PRR16: variants seen among roughly 807,000 people sequenced by gnomAD.
PRR16 encodes the protein proline rich 16.
In PRR16, 6 loss-of-function variants were observed where a neutral mutation model predicts 18.2. The ratio of observed to expected loss-of-function variants is 0.33; its 90% CI spans 0.18 to 0.65. PRR16 has a LOEUF of 0.65. Ranked by LOEUF, PRR16 falls within the 30% of genes least tolerant of loss-of-function variation. PRR16 has a pLI of 0.74. For synonymous variants in PRR16, 151 were observed against 147.8 expected, an observed-to-expected ratio of 1.02 and a Z score of -0.16; for missense variants, 412 against 376.6, an observed-to-expected ratio of 1.09 and a Z score of -0.78.
intron 1 of PRR16, among the ~76,000 whole-genome samples, chr5:120,610,213 C>T (rs1054105120): frequency 2.6e-5 from 4 of 151,942 alleles, no homozygotes; most frequent in Non-Finnish European, 4.4e-5. Flanking sequence ...TTAAATACTG[C>T]CTGAAAATAT....
the PRR16 span, among the ~76,000 whole-genome samples, chr5:120,740,135 AG>A: frequency 6.6e-6 from 1 of 152,152 alleles, no homozygotes; most frequent in East Asian, 1.9e-4. Context: ...TGAATACTTA[AG>A]GGGCTTTGGT....
intron 1 of PRR16, chr5:120,618,709 C>A: frequency 3.8e-6 from 1 of 264,880 alleles, no homozygotes; most frequent in Non-Finnish European, 5.8e-6. Flanking sequence ...CTAAGAGAGA[C>A]CAATGGATAA....
chr5:120,673,623 AT>A (rs1461146150), intron 1 of PRR16, among the ~76,000 whole-genome samples: 1 of 152,136 alleles, frequency 6.6e-6, no homozygotes, highest in Non-Finnish European at 1.5e-5. Flanking sequence ...TGCTATGGCT[AT>A]AAAATAATTA....
chr5:120,700,409 A>G, the PRR16 span, among the ~76,000 whole-genome samples: 1 of 152,012 alleles, frequency 6.6e-6, no homozygotes, highest in Non-Finnish European at 1.5e-5. Context: ...CCAAGGAGGG[A>G]GTAGAGGTAT....
downstream of PRR16, among the ~76,000 whole-genome samples, chr5:120,691,254 C>A (rs923598884): frequency 1.9e-4 from 29 of 152,120 alleles, no homozygotes. Context: ...TAGCCCCGAA[C>A]TTCGTAAATC....
intron 1 of PRR16, among the ~76,000 whole-genome samples, chr5:120,503,418 C>A (rs1750531156): frequency 6.6e-6 from 1 of 152,022 alleles, no homozygotes; most frequent in South Asian, 2.1e-4. Context: ...GGTGTGAATG[C>A]CCTAATAGAA....
At chr5:120,707,006 G>A in the PRR16 span, among the ~76,000 whole-genome samples, 2 of 152,278 alleles carry the variant, frequency 1.3e-5, no homozygotes, top group East Asian at 3.9e-4. Context: ...TCAAAGGAAT[G>A]GTTCCCAGAT....
intron 1 of PRR16, among the ~76,000 whole-genome samples, chr5:120,510,783 G>C (rs7702580): frequency 0.28 from 42,896 of 151,984 alleles, 6,934 homozygotes; most frequent in African/African-American, 0.44. Context: ...GTGTTATATA[G>C]ATTTCTGATG....
intron 1 of PRR16, among the ~76,000 whole-genome samples, chr5:120,609,372 C>A (rs779645476): frequency 3.3e-5 from 5 of 152,034 alleles, no homozygotes; most frequent in Non-Finnish European, 7.4e-5. Context: ...ACTTCTCTCT[C>A]CCTAGAGCCC....
chr5:120,701,275 G>A, the PRR16 span, among the ~76,000 whole-genome samples: 62 of 152,146 alleles, frequency 4.1e-4, 2 homozygotes, highest in South Asian at 0.012. Flanking sequence ...ATTTAATGTC[G>A]GGAGCAGATT....
intron 1 of PRR16, among the ~76,000 whole-genome samples, chr5:120,536,669 T>C (rs1161127260): frequency 6.6e-6 from 1 of 152,208 alleles, no homozygotes; most frequent in Non-Finnish European, 1.5e-5. Flanking sequence ...CTGTCCTCAT[T>C]GGGCACTGAT....
At chr5:120,616,324 A>G (rs114694557) in intron 1 of PRR16, among the ~76,000 whole-genome samples, 1 of 152,168 alleles carries the variant, frequency 6.6e-6, no homozygotes, top group Non-Finnish European at 1.5e-5. Context: ...ACAATCTTGC[A>G]TTTCTGAATT....
chr5:120,464,372 C>G lies in PRR16; in HGVS notation c.-115C>G. On this transcript the variant is annotated 5_prime_UTR_variant, in exon 1 of 2. Transcript: ENST00000407149. ...CAGCCACTCGCCGCTGCCCAGGGAG[C>G]GCCCAAGATGTGGGGGGACCGGGGC... 8.4e-7 allele frequency: 1 copy of G among 1,194,346 alleles called. No individual in the cohort carries two copies. Among genetic ancestry groups the G allele is most frequent in the South Asian group, 1.8e-5 (1 of 55,456 alleles). The allele number at this position is 1,194,346 out of a possible 1,614,324, so 74.0% of individuals were successfully genotyped here.
At chr5:120,759,926 A>G in the PRR16 span, among the ~76,000 whole-genome samples, 1 of 152,150 alleles carries the variant, frequency 6.6e-6, no homozygotes, top group Non-Finnish European at 1.5e-5. Flanking sequence ...TAATATGACA[A>G]CAGAACCTAA....
the PRR16 span, among the ~76,000 whole-genome samples, chr5:120,755,936 A>C: frequency 6.6e-6 from 1 of 152,140 alleles, no homozygotes; most frequent in African/African-American, 2.4e-5. Flanking sequence ...CTCTGGTTAC[A>C]GAATTTTCTG....
At chr5:120,718,635 A>G in the PRR16 span, among the ~76,000 whole-genome samples, 1 of 151,900 alleles carries the variant, frequency 6.6e-6, no homozygotes, top group African/African-American at 2.4e-5. Context: ...AATAGAAGGG[A>G]ACTACAATAC....
intron 1 of PRR16, among the ~76,000 whole-genome samples, chr5:120,488,576 T>G (rs188291205): frequency 0.011 from 1,620 of 152,282 alleles, 13 homozygotes; most frequent in East Asian, 0.024. Context: ...TCTATCAATT[T>G]TGTTGATCGT....
chr5:120,617,175 C>T (rs1754539933), intron 1 of PRR16: 5 of 985,334 alleles, frequency 5.1e-6, no homozygotes, highest in Non-Finnish European at 6.0e-6. Context: ...AACAGGACAT[C>T]AGGAAATGCC....
At chr5:120,588,424 C>G (rs890754706) in intron 1 of PRR16, among the ~76,000 whole-genome samples, 1 of 152,118 alleles carries the variant, frequency 6.6e-6, no homozygotes, top group African/African-American at 2.4e-5. Flanking sequence ...AAGACTTTGC[C>G]ACAGCCATCC....
Sources: gnomAD v4.1 joint callset for allele counts (sites outside exome capture counted in the v4.1 genomes callset) on GRCh38, gnomAD v4.1.1 for gene constraint, MANE v1.5 for transcripts, NCBI Gene and HGNC (gene_info 2026-07-23, HGNC 2026-07-21) for gene names.